The following ACSL6 variants were observed in gnomAD, a reference collection of about 807,000 sequenced individuals.
ACSL6 encodes acyl-CoA synthetase long chain family member 6.
A neutral mutation model predicts 98.2 loss-of-function variants in ACSL6; 47 were observed. The observed-to-expected ratio is 0.48, with a 90% CI of 0.38 to 0.61. ACSL6 has a LOEUF of 0.61. Ranked by LOEUF, ACSL6 falls within the 20% of genes least tolerant of loss-of-function variation. The pLI, the probability that ACSL6 is intolerant of heterozygous loss-of-function variation, is 0.00. For missense variants in ACSL6, 761 were observed against 913.4 expected (o/e 0.83, Z 2.15); for synonymous variants, 362 against 336.9 (o/e 1.07, Z -0.82).
intron 13 of ACSL6, 58 bp downstream of exon 13, chr5:131,972,666 C>T (rs1048104651): frequency 6.3e-7 from 1 of 1,594,528 alleles, no homozygotes; most frequent in African/African-American, 1.3e-5. Context: ...AGTTCTCCTG[C>T]AAGGTCACCC....
chr5:131,990,949 G>T lies in ACSL6; in HGVS notation c.289C>A (p.Arg97=), dbSNP rs368805605. Residue 97 remains arginine, a synonymous_variant, in exon 3 of 21, where the codon CGA becomes AGA. Transcript: ENST00000651883. ...EEVEDSGGAR[R]SVIGSGPQLL... ...TGAGGGCCAGACCCAATCACAGATC[G>T]CCGTGCCCCGCCACTGTCCTACAAG... 1 of 1,609,848 alleles carries T rather than the reference G, an allele frequency of 6.2e-7. No homozygotes were observed. Among genetic ancestry groups the T allele is most frequent in the East Asian group, 2.2e-5 (1 of 44,792 alleles).
chr5:131,976,386 G>C lies in ACSL6; in HGVS notation c.990+262C>G, dbSNP rs530331779. 1.5e-5 allele frequency: 5 copies of C among 342,212 alleles called. 1 individual carries two copies. In the South Asian group the frequency reaches 5.9e-4, roughly 40 times the overall value. 21.2% of individuals were successfully genotyped at this position (342,212 alleles called of 1,614,324 possible). A position where few individuals can be genotyped will look rare whatever the true frequency, so the allele number is the denominator to read the frequency against. ...TTAGAAAGGAAAAATAGGTTTGCAT[G>C]CTTTTCTTTCTGGGATCTTAGTACT... On this transcript the variant is annotated intron_variant, in intron 10 of 20. Coordinates refer to ENST00000651883, the MANE Select transcript of ACSL6 (RefSeq NM_001009185.3).
At chr5:131,975,304 G>T in intron 10 of ACSL6, 16 of 985,362 alleles carry the variant, frequency 1.6e-5, no homozygotes, top group Non-Finnish European at 1.9e-5. Flanking sequence ...AGTGGGCTCC[G>T]CAGGGAAGTC....
intron 5 of ACSL6, 66 bp from the exon 6 acceptor site, chr5:131,988,970 C>A: frequency 7.0e-7 from 1 of 1,432,752 alleles, no homozygotes; most frequent in Non-Finnish European, 9.8e-7. Flanking sequence ...TGCCCTTAGG[C>A]CTAGGTAACC....
In ACSL6 at chr5:131,960,435, C is replaced by G. The variant is rs764066322; in HGVS notation, c.1959+85G>C. ...AAATTTCGTACGAGCTCGAATTTCA[C>G]TGGTCTACAACTTTTCTGTCTTCTC... On this transcript the variant is annotated intron_variant, in intron 19 of 20. Transcript: ENST00000651883. 1.4e-4 allele frequency: 154 copies of G among 1,093,474 alleles called. 1 individual carries two copies. Among genetic ancestry groups the G allele is most frequent in the South Asian group, 1.0e-3 (56 of 54,056 alleles). The allele number at this position is 1,093,474 out of a possible 1,614,324, so 67.7% of individuals were successfully genotyped here.
chr5:132,011,645 C>T lies in ACSL6; in HGVS notation c.-92G>A. On this transcript the variant is annotated 5_prime_UTR_variant, in exon 1 of 21. Coordinates refer to ENST00000651883, the MANE Select transcript of ACSL6 (RefSeq NM_001009185.3). The surrounding 1 kb of genome is among the most constrained non-coding windows in gnomAD (Gnocchi z 5.4). ...CCCAGCAGCCCCAGCAGTAGCCGCG[C>T]CGCCGCCGCCGCTGCCGGGTATTTT... 1 of 1,256,064 alleles carries T rather than the reference C, an allele frequency of 8.0e-7. No individual in the cohort carries two copies. The highest frequency in any genetic ancestry group is 1.0e-6 in the Non-Finnish European group (1 of 997,596). 77.8% of individuals were successfully genotyped at this position (1,256,064 alleles called of 1,614,324 possible). A position where few individuals can be genotyped will look rare whatever the true frequency, so the allele number is the denominator to read the frequency against.
chr5:131,981,396 G>A (rs1017443707), intron 9 of ACSL6, among the ~76,000 whole-genome samples: 9 of 146,972 alleles, frequency 6.1e-5, no homozygotes, highest in Non-Finnish European at 1.0e-4. Flanking sequence ...GCCCAAATAA[G>A]TGTAAAGCTC....
At position 131,990,975 on chromosome 5, in the gene ACSL6, C is replaced by T; in HGVS notation, c.271-8G>A. ...CCGTGCCCCGCCACTGTCCTACAAG[C>T]CAAGCACCGGCCAGAGAAGTTGGCT... On this transcript the variant is annotated splice_region_variant and splice_polypyrimidine_tract_variant and intron_variant, in intron 2 of 20. Coordinates refer to ENST00000651883, the MANE Select transcript of ACSL6 (RefSeq NM_001009185.3). The T allele has an allele frequency of 6.2e-7, 1 of 1,613,738 alleles. No individual in the cohort carries two copies. Among genetic ancestry groups the T allele is most frequent in the Non-Finnish European group, 8.5e-7 (1 of 1,179,804 alleles).
intron 15 of ACSL6, among the ~76,000 whole-genome samples, 185 bp downstream of exon 15, chr5:131,969,939 ACCTC>A (rs1183253884): frequency 6.6e-6 from 1 of 152,066 alleles, no homozygotes; most frequent in Non-Finnish European, 1.5e-5. Context: ...AAAGGGAAAA[ACCTC>A]AACAGTGTTT....
At position 132,011,210 on chromosome 5, in the gene ACSL6, C is replaced by G. The variant is rs1755705680; in HGVS notation, c.49+295G>C. Among the ~76,000 whole-genome samples, 1 of 152,136 alleles carries G rather than the reference C, an allele frequency of 6.6e-6. No individual in the cohort carries two copies. ...GGGCCTAATCTGATCCGCGGATGGT[C>G]CTTGCCATCAGGGAAGGGGGACGCA... On this transcript the variant is annotated intron_variant, in intron 1 of 20. Coordinates refer to ENST00000651883, the MANE Select transcript of ACSL6 (RefSeq NM_001009185.3). The surrounding 1 kb of genome is among the most constrained non-coding windows in gnomAD (Gnocchi z 5.4).
chr5:132,011,429 A>G lies in ACSL6; in HGVS notation c.49+76T>C. 6.6e-7 allele frequency: 1 copy of G among 1,506,826 alleles called. No individual in the cohort carries two copies. Among genetic ancestry groups the G allele is most frequent in the Admixed American group, 1.7e-5 (1 of 59,270 alleles). The allele number at this position is 1,506,826 out of a possible 1,614,324, so 93.3% of individuals were successfully genotyped here. ...GGGGCTCGGCGGCCGCGGAGATGTA[A>G]CACCTCCACCTCGGGCGAAGACCTC... On this transcript the variant is annotated intron_variant, in intron 1 of 20. Transcript: ENST00000651883. This position sits in a 1 kb window ranked among gnomAD's most constrained non-coding sequence, Gnocchi z 5.4.
chr5:131,970,411 ATT>A (rs35083562), intron 14 of ACSL6, among the ~76,000 whole-genome samples: 11 of 139,556 alleles, frequency 7.9e-5, no homozygotes, highest in Non-Finnish European at 9.4e-5. Flanking sequence ...AAGAAGTGCT[ATT>A]TTTTTTTTTT....
intron 2 of ACSL6, among the ~76,000 whole-genome samples, chr5:131,991,758 A>G (rs1189647965): frequency 3.9e-5 from 6 of 152,096 alleles, no homozygotes; most frequent in African/African-American, 1.4e-4. Context: ...TTCTTCAAGC[A>G]CTATTTGAGC....
intron 1 of ACSL6, among the ~76,000 whole-genome samples, chr5:132,002,657 G>C (rs982816518): frequency 6.6e-6 from 1 of 152,188 alleles, no homozygotes; most frequent in Non-Finnish European, 1.5e-5. Flanking sequence ...GGAGAACAAG[G>C]AGAGGATCCG....
intron 18 of ACSL6, among the ~76,000 whole-genome samples, chr5:131,961,987 G>A (rs938323508): frequency 1.5e-4 from 23 of 151,766 alleles, no homozygotes; most frequent in African/African-American, 5.6e-4. Context: ...ACTAGCCTGG[G>A]CAACATAGTA....
chr5:131,954,660 C>T (rs1348901138), intron 20 of ACSL6, among the ~76,000 whole-genome samples: 4 of 152,102 alleles, frequency 2.6e-5, no homozygotes, highest in East Asian at 1.9e-4. Context: ...CCTTAGGGAG[C>T]GCACATTCAC....
chr5:131,977,592 G>A (rs1580656337), intron 9 of ACSL6, among the ~76,000 whole-genome samples: 1 of 152,140 alleles, frequency 6.6e-6, no homozygotes, highest in Non-Finnish European at 1.5e-5. Flanking sequence ...GCTTCTATAA[G>A]ATCTAAAGAT....
chr5:131,965,792 T>C (rs2149702121), intron 17 of ACSL6, among the ~76,000 whole-genome samples: 1 of 152,280 alleles, frequency 6.6e-6, no homozygotes, highest in Middle Eastern at 3.4e-3. Flanking sequence ...TAAGCAACAC[T>C]GTGATCCCTA....
intron 1 of ACSL6, among the ~76,000 whole-genome samples, chr5:132,003,327 C>A (rs573540465): frequency 6.6e-6 from 1 of 152,354 alleles, no homozygotes; most frequent in African/African-American, 2.4e-5. Flanking sequence ...AAGCTGCTCT[C>A]CCTCCGGCAG....
Sources: gnomAD v4.1 joint callset for allele counts (sites outside exome capture counted in the v4.1 genomes callset) on GRCh38, gnomAD v4.1.1 for gene constraint, Gnocchi (gnomAD v3.1) non-coding constraint, MANE v1.5 for transcripts, NCBI Gene and HGNC (gene_info 2026-07-23, HGNC 2026-07-21) for gene names.